ERC1: variants seen among roughly 807,000 people sequenced by gnomAD.
The protein encoded by ERC1 is ELKS/RAB6-interacting/CAST family member 1, also known as RAB6 interacting protein 2.
Under a neutral mutation model 132.0 loss-of-function variants are expected in ERC1, and 56 were observed. The ratio of observed to expected loss-of-function variants is 0.42; its 90% confidence interval spans 0.34 to 0.53. The LOEUF is 0.53. Ranked by LOEUF, ERC1 falls within the 20% of genes least tolerant of loss-of-function variation. The probability of loss-of-function intolerance (pLI) is 0.03; values close to 1 mark genes in which losing one functional copy is unlikely to be tolerated. For synonymous variants in ERC1, 478 were observed against 476.1 expected (o/e 1.00, Z -0.05); for missense variants, 1,202 against 1,349.9 (o/e 0.89, Z 1.72).
At chr12:1,425,849 A>G (rs907184411) in intron 17 of ERC1, among the ~76,000 whole-genome samples, 2 of 152,244 alleles carry the variant, frequency 1.3e-5, no homozygotes, top group Non-Finnish European at 2.9e-5. Flanking sequence ...TAGAAAAAGC[A>G]TTGAATCAGG....
chr12:1,239,275 C>T (rs921694141), intron 13 of ERC1, among the ~76,000 whole-genome samples: 7 of 151,998 alleles, frequency 4.6e-5, no homozygotes, highest in Non-Finnish European at 8.8e-5. Flanking sequence ...AGGCTGTTCT[C>T]GAACTCCTGG....
chr12:1,398,017 A>G (rs2090682527), intron 16 of ERC1, among the ~76,000 whole-genome samples: 1 of 152,028 alleles, frequency 6.6e-6, no homozygotes, highest in Non-Finnish European at 1.5e-5. Context: ...TAGTGGTCTC[A>G]CTCTCTCCCA....
At chr12:1,344,068 C>T (rs913728717) in intron 15 of ERC1, among the ~76,000 whole-genome samples, 6 of 152,142 alleles carry the variant, frequency 3.9e-5, no homozygotes, top group African/African-American at 1.4e-4. Context: ...GTCTCGATCT[C>T]CTGACCTCGT....
chr12:1,314,361 T>C (rs1177835423), intron 15 of ERC1, among the ~76,000 whole-genome samples: 2 of 152,164 alleles, frequency 1.3e-5, no homozygotes, highest in Non-Finnish European at 2.9e-5. Flanking sequence ...AGATTAAATT[T>C]AAATAAAAAG....
At chr12:1,114,386 A>T (rs1341346314) in intron 6 of ERC1, among the ~76,000 whole-genome samples, 1 of 152,188 alleles carries the variant, frequency 6.6e-6, no homozygotes, top group Non-Finnish European at 1.5e-5. Context: ...ATATAGCATT[A>T]TTTGAAGCTT....
intron 16 of ERC1, among the ~76,000 whole-genome samples, chr12:1,382,938 A>G (rs1219801829): frequency 6.6e-6 from 1 of 152,186 alleles, no homozygotes; most frequent in African/African-American, 2.4e-5. Flanking sequence ...ATAAGTAGAA[A>G]GTCCAGAGGC....
rs552555459 is a variant in ERC1, at chr12:1,317,342, G to T, written c.2780+27330G>T. On this transcript the variant is annotated intron_variant, in intron 15 of 18. Transcript: ENST00000360905. ...CACCGCATGTTCTCACTCATAAGTG[G>T]GAGCTGAACCGTGAGAACACATGGA... Among the ~76,000 whole-genome samples the T allele has an allele frequency of 2.2e-4, 33 of 152,112 alleles. No individual in the cohort carries two copies. In the East Asian group the frequency reaches 6.4e-3, roughly 29 times the overall value.
Position 1,102,852 on chromosome 12 carries a change from T to C in ERC1, c.1087-1898T>C, listed in dbSNP as rs58454313. On this transcript the variant is annotated intron_variant, in intron 3 of 18. Transcript: ENST00000360905. ...GGCTGTGTTAAATTTTAAAATAAGG[T>C]GTAGATTATACTGAAAACGTTGAAC... Among the ~76,000 whole-genome samples the C allele has an allele frequency of 9.2e-3, 1,408 of 152,220 alleles. 20 individuals are homozygous for C. Among genetic ancestry groups the C allele is most frequent in the African/African-American group, 0.031 (1,279 of 41,512 alleles).
At chr12:1,133,013 G>A (rs1471895842) in intron 7 of ERC1, among the ~76,000 whole-genome samples, 3 of 151,820 alleles carry the variant, frequency 2.0e-5, no homozygotes, top group African/African-American at 2.4e-5. Flanking sequence ...GCACCACCAC[G>A]CCTGACTAAT....
chr12:1,118,439 G>T (rs1593411987), intron 7 of ERC1, among the ~76,000 whole-genome samples: 1 of 152,292 alleles, frequency 6.6e-6, no homozygotes, highest in South Asian at 2.1e-4. Context: ...AGAATAGATT[G>T]TATTTATTGT....
At chr12:1,426,045 A>G (rs893142521) in intron 17 of ERC1, among the ~76,000 whole-genome samples, 4 of 152,010 alleles carry the variant, frequency 2.6e-5, no homozygotes, top group South Asian at 4.1e-4. Flanking sequence ...GGTAGCCACC[A>G]TGTACTTCTA....
At chr12:1,360,563 A>G (rs892409677) in intron 15 of ERC1, among the ~76,000 whole-genome samples, 6 of 152,228 alleles carry the variant, frequency 3.9e-5, no homozygotes, top group African/African-American at 7.2e-5. Flanking sequence ...CTTGGTGTCA[A>G]AATTAAAATT....
intron 16 of ERC1, among the ~76,000 whole-genome samples, chr12:1,407,836 A>G (rs1329346751): frequency 6.6e-6 from 1 of 152,042 alleles, no homozygotes; most frequent in East Asian, 1.9e-4. Context: ...CTTCTTACGA[A>G]GCCCAGTCCT....
chr12:1,039,112 G>C (rs575556983), intron 2 of ERC1, among the ~76,000 whole-genome samples: 1 of 151,892 alleles, frequency 6.6e-6, no homozygotes, highest in African/African-American at 2.4e-5. Context: ...CGAGGCTGGC[G>C]GATCACGAGG....
intron 14 of ERC1, among the ~76,000 whole-genome samples, chr12:1,288,447 T>TGAG (rs2079186815): frequency 1.3e-5 from 2 of 152,150 alleles, no homozygotes; most frequent in African/African-American, 4.8e-5. Flanking sequence ...ACTGGGACTG[T>TGAG]GAGGATGCTG....
In ERC1 at chr12:1,067,684, T is replaced by A. The variant is rs1008167111; in HGVS notation, c.670-15480T>A. Among the ~76,000 whole-genome samples, 10 of 152,288 alleles carry A rather than the reference T, an allele frequency of 6.6e-5. No individual in the cohort carries two copies. The East Asian group carries it at 1.9e-3, about 29-fold the overall frequency. The stretch of plus-strand genomic sequence containing the variant: ...ATAGAGCTGAAAGGATCACTATTTA[T>A]TCAGCAGCCAAGCAGAGGGCATTTT... On this transcript the variant is annotated intron_variant, in intron 2 of 18. Coordinates refer to ENST00000360905, the MANE Select transcript of ERC1 (RefSeq NM_178040.4).
chr12:1,440,258 G>A (rs1241498242), intron 17 of ERC1, among the ~76,000 whole-genome samples: 3 of 137,452 alleles, frequency 2.2e-5, no homozygotes, highest in Admixed American at 1.5e-4. Context: ...AGGCTGGAGT[G>A]CAGTGGTGCC....
chr12:1,043,043 CT>C (rs1970517337), intron 2 of ERC1, among the ~76,000 whole-genome samples: 1 of 143,494 alleles, frequency 7.0e-6, no homozygotes, highest in South Asian at 2.2e-4. Flanking sequence ...CTTTTCTTTT[CT>C]TTTCTTTTTT....
chr12:1,120,617 A>G (rs1374025742), intron 7 of ERC1, among the ~76,000 whole-genome samples: 2 of 152,134 alleles, frequency 1.3e-5, no homozygotes, highest in African/African-American at 2.4e-5. Context: ...CATTAAATGT[A>G]TTTTCAGGAT....
Sources: allele counts gnomAD v4.1 joint callset (sites outside exome capture counted in the v4.1 genomes callset), GRCh38; gene constraint gnomAD v4.1.1; transcripts MANE v1.5; gene names NCBI Gene and HGNC (gene_info 2026-07-23, HGNC 2026-07-21).